DIP2C: variants seen among roughly 807,000 people sequenced by gnomAD.
The protein encoded by DIP2C is DIP2 acetate--CoA ligase C (putative).
DIP2C carries 33 observed loss-of-function variants against 192.4 expected under a neutral mutation model. The observed-to-expected ratio is 0.17, with a 90% CI of 0.13 to 0.23. DIP2C has a LOEUF of 0.23. Among genes scored for constraint, DIP2C ranks in the 10% least tolerant of loss-of-function variants. The pLI is 1.00. For missense variants in DIP2C, 1,537 were observed against 2,110.1 expected (o/e 0.73, Z 5.32); for synonymous variants, 979 against 864.1 (o/e 1.13, Z -2.33).
At chr10:591,077 C>T (rs1032523217) in intron 1 of DIP2C, among the ~76,000 whole-genome samples, 6 of 141,944 alleles carry the variant, frequency 4.2e-5, no homozygotes, top group Admixed American at 3.4e-4. Flanking sequence ...TGAAAGAAGC[C>T]GCCACCTCCA....
chr10:516,235 ATG>A (rs1391395545), intron 1 of DIP2C, among the ~76,000 whole-genome samples: 2 of 129,884 alleles, frequency 1.5e-5, no homozygotes, highest in African/African-American at 6.0e-5. Context: ...CTTTTCCAAA[ATG>A]TTCCCACGTT....
intron 34 of DIP2C, among the ~76,000 whole-genome samples, chr10:283,746 A>G (rs1954957862): frequency 6.6e-6 from 1 of 152,212 alleles, no homozygotes; most frequent in South Asian, 2.1e-4. Flanking sequence ...TATACACATC[A>G]AATGAACAAA....
intron 31 of DIP2C, chr10:325,078 A>C (rs566536810): frequency 6.2e-5 from 26 of 420,834 alleles, no homozygotes; most frequent in South Asian, 4.3e-4. Context: ...ATGCTGGCTA[A>C]CACGGTGAAA....
intron 30 of DIP2C, among the ~76,000 whole-genome samples, chr10:327,860 C>G (rs1957343516): frequency 6.6e-6 from 1 of 152,186 alleles, no homozygotes; most frequent in African/African-American, 2.4e-5. Flanking sequence ...TCAGTTTCCA[C>G]ACCAAATTCA....
At chr10:624,514 C>G (rs1246107547) in intron 1 of DIP2C, among the ~76,000 whole-genome samples, 2 of 152,160 alleles carry the variant, frequency 1.3e-5, no homozygotes, top group Non-Finnish European at 1.5e-5. Flanking sequence ...AAGTGCCTTT[C>G]TAGGGTGTAC....
chr10:400,373 A>G lies in DIP2C; in HGVS notation c.1150-1154T>C, dbSNP rs536697031. Among the ~76,000 whole-genome samples the G allele has an allele frequency of 2.0e-3, 312 of 152,312 alleles. 1 individual carries two copies. The highest frequency in any genetic ancestry group is 0.014 in the Middle Eastern group (4 of 294). On this transcript the variant is annotated intron_variant, in intron 9 of 36. Transcript: ENST00000280886. ...ACAGTATGGTGTATCTTGACGAAGA[A>G]CAATTTTCCTTCGATGATAGAGTGT...
intron 31 of DIP2C, chr10:324,706 C>G (rs1589483089): frequency 8.1e-6 from 2 of 247,512 alleles, no homozygotes; most frequent in African/African-American, 4.5e-5. Flanking sequence ...AACATATTGC[C>G]ATTTCCTATT....
intron 4 of DIP2C, among the ~76,000 whole-genome samples, chr10:432,500 A>C (rs1250535946): frequency 2.0e-5 from 3 of 152,122 alleles, no homozygotes; most frequent in African/African-American, 7.2e-5. Flanking sequence ...TTATCCTTTT[A>C]ATGTCCATGG....
chr10:642,484 T>C (rs10795292), intron 1 of DIP2C, among the ~76,000 whole-genome samples: 109,929 of 152,248 alleles, frequency 0.72, 44,360 homozygotes, highest in Non-Finnish European at 0.89. Flanking sequence ...CCACCAGGTG[T>C]CTATTTAAAT....
At chr10:357,976 G>A (rs142980205) in intron 22 of DIP2C, 39 bp from the exon 23 acceptor site, 1 of 1,535,368 alleles carries the variant, frequency 6.5e-7, no homozygotes, top group East Asian at 2.3e-5. Context: ...GGAAACAAAA[G>A]AGAAATTCCT....
At chr10:441,298 T>A (rs547418141) in intron 3 of DIP2C, 11 of 309,014 alleles carry the variant, frequency 3.6e-5, no homozygotes, top group African/African-American at 2.2e-4. Context: ...GATCTCTTTG[T>A]AGGTCACACG....
At chr10:472,682 G>A in intron 2 of DIP2C, 133 bp from the exon 3 acceptor site, 1 of 752,908 alleles carries the variant, frequency 1.3e-6, no homozygotes, top group Non-Finnish European at 2.2e-6. Flanking sequence ...CGGCGCCTCA[G>A]AGCCCACAGA....
chr10:633,313 A>G (rs1472463804), intron 1 of DIP2C, among the ~76,000 whole-genome samples: 1 of 152,226 alleles, frequency 6.6e-6, no homozygotes, highest in African/African-American at 2.4e-5. Context: ...GGCACTGAGC[A>G]GAGAGAGAAA....
chr10:390,705 T>C, intron 11 of DIP2C, 35 bp downstream of exon 11: 3 of 1,601,922 alleles, frequency 1.9e-6, no homozygotes, highest in Non-Finnish European at 2.6e-6. Flanking sequence ...ACAAAGGACG[T>C]GGGCATGCGA....
intron 1 of DIP2C, among the ~76,000 whole-genome samples, chr10:525,369 C>A (rs1253211786): frequency 6.6e-6 from 1 of 152,124 alleles, no homozygotes; most frequent in Non-Finnish European, 1.5e-5. Context: ...CTCTGGATTG[C>A]AAAGGCTGAG....
At chr10:421,044 A>G (rs1966148799) in intron 5 of DIP2C, among the ~76,000 whole-genome samples, 1 of 152,236 alleles carries the variant, frequency 6.6e-6, no homozygotes, top group Admixed American at 6.5e-5. Flanking sequence ...GTTTTGCCAC[A>G]GAAAATATTT....
chr10:304,515 C>A (rs1183008711), intron 32 of DIP2C, among the ~76,000 whole-genome samples: 3 of 151,970 alleles, frequency 2.0e-5, no homozygotes, highest in Non-Finnish European at 4.4e-5. Flanking sequence ...CCCCTCCCAG[C>A]AAATCCTTCT....
intron 1 of DIP2C, among the ~76,000 whole-genome samples, chr10:589,115 C>T (rs1417882245): frequency 3.3e-5 from 5 of 152,120 alleles, no homozygotes; most frequent in Admixed American, 6.5e-5. Flanking sequence ...TGCTTTCAGG[C>T]CACCCTCCCC....
Position 651,269 on chromosome 10 carries a change from C to T in DIP2C, c.85+38225G>A. On this transcript the variant is annotated intron_variant, in intron 1 of 36. Transcript: ENST00000280886. This position sits in a 1 kb window ranked among gnomAD's most constrained non-coding sequence, Gnocchi z 4.1. Reference sequence around the variant, plus strand: ...GCGTGGGTTCCGGTCACCAGTCGGCCTCCCCCACCAACGTGGACTCCTTAC... The same window carrying T: ...GCGTGGGTTCCGGTCACCAGTCGGCTTCCCCCACCAACGTGGACTCCTTAC... 1.4e-6 allele frequency: 1 copy of T among 714,166 alleles called. No individual in the cohort carries two copies. The highest frequency in any genetic ancestry group is 2.6e-6 in the Non-Finnish European group (1 of 385,100). The allele number at this position is 714,166 out of a possible 1,614,324, so 44.2% of individuals were successfully genotyped here. A position where few individuals can be genotyped will look rare whatever the true frequency, so the allele number is the denominator to read the frequency against.
Sources: gnomAD v4.1 joint callset for allele counts (sites outside exome capture counted in the v4.1 genomes callset) on GRCh38, gnomAD v4.1.1 for gene constraint, Gnocchi (gnomAD v3.1) non-coding constraint, MANE v1.5 for transcripts, NCBI Gene and HGNC (gene_info 2026-07-23, HGNC 2026-07-21) for gene names.